The following VPS53 variants were observed in gnomAD, a reference collection of about 807,000 sequenced individuals.
VPS53 encodes VPS53 subunit of GARP complex.
A neutral mutation model predicts 107.0 loss-of-function variants in VPS53; 70 were observed. The ratio of observed to expected loss-of-function variants is 0.65; its 90% confidence interval spans 0.54 to 0.80. The LOEUF (loss-of-function observed/expected upper bound fraction) is 0.80. Ranked by LOEUF, VPS53 falls within the 30% of genes least tolerant of loss-of-function variation. VPS53 has a pLI of 0.00. For synonymous variants in VPS53, 409 were observed against 393.3 expected, an observed-to-expected ratio of 1.04 and a Z score of -0.47; for missense variants, 917 against 1,049.4, an observed-to-expected ratio of 0.87 and a Z score of 1.74.
intron 18 of VPS53, chr17:533,138 C>T: frequency 6.4e-6 from 4 of 629,722 alleles, no homozygotes; most frequent in South Asian, 4.1e-5. Context: ...ATCCTAGACT[C>T]CCAGTGAACT....
Position 540,735 on chromosome 17 carries a change from GAC to G in VPS53, c.1867-3561_1867-3560del, listed in dbSNP as rs1389546297. On this transcript the variant is annotated intron_variant, in intron 17 of 21. Coordinates refer to ENST00000437048, the MANE Select transcript of VPS53 (RefSeq NM_001128159.3). ...TCAACTGGTACTACTATCTAAATGA[GAC>G]ACAGTTTGAAGACAGTAAGAATGAT... Among the ~76,000 whole-genome samples, 9 of 152,268 alleles carry G rather than the reference GAC, an allele frequency of 5.9e-5. No individual in the cohort carries two copies. The East Asian group carries it at 1.5e-3, about 26-fold the overall frequency.
chr17:599,149 G>A (rs1306867178), intron 12 of VPS53, among the ~76,000 whole-genome samples: 5 of 145,372 alleles, frequency 3.4e-5, no homozygotes, highest in Admixed American at 2.0e-4. Flanking sequence ...CCCCCCGCCC[G>A]GCCAGCCGCC....
intron 7 of VPS53, among the ~76,000 whole-genome samples, chr17:642,146 C>T (rs1007905737): frequency 1.6e-4 from 25 of 152,174 alleles, no homozygotes; most frequent in African/African-American, 5.6e-4. Flanking sequence ...ATAAATATAC[C>T]GCCCTCCCAA....
chr17:710,528 C>T lies in VPS53; in HGVS notation c.168+5G>A. 1 of 1,611,708 alleles carries T rather than the reference C, an allele frequency of 6.2e-7. No homozygotes were observed. Among genetic ancestry groups the T allele is most frequent in the Non-Finnish European group, 8.5e-7 (1 of 1,178,206 alleles). ...GAAAGGAAGGAAACCTGAAACTCTA[C>T]TTACTTGCTCGGTTGGGAACAGGGT... is the stretch of plus-strand genomic sequence containing the variant. On this transcript the variant is annotated splice_donor_5th_base_variant and intron_variant, in intron 2 of 21. Transcript: ENST00000437048.
chr17:712,365 G>A (rs1274578771), intron 1 of VPS53, among the ~76,000 whole-genome samples: 1 of 150,730 alleles, frequency 6.6e-6, no homozygotes, highest in South Asian at 2.1e-4. Flanking sequence ...ATTTTTAGGA[G>A]AGACGGGGTT....
At chr17:591,753 A>G (rs1171116340) in intron 12 of VPS53, among the ~76,000 whole-genome samples, 1 of 152,110 alleles carries the variant, frequency 6.6e-6, no homozygotes, top group Non-Finnish European at 1.5e-5. Flanking sequence ...ATAGTTTGTT[A>G]TAATTTCTTT....
chr17:529,384 T>TCA lies in VPS53; in HGVS notation c.2085+3456_2085+3457dup, dbSNP rs1469887772. ...TAACTTTTAAAATCAGCATATCAATTCACACACACACACTCACACACACAC... is the reference window on the plus strand; with the variant it reads ...TAACTTTTAAAATCAGCATATCAATTCACACACACACACACTCACACACACAC... On this transcript the variant is annotated intron_variant, in intron 19 of 21. Transcript: ENST00000437048. Among the ~76,000 whole-genome samples the TCA allele has an allele frequency of 3.2e-4, 38 of 117,446 alleles. No individual in the cohort carries two copies. In the South Asian group the frequency reaches 3.2e-3, roughly 10 times the overall value. The allele number at this position is 117,446 out of a possible 152,430, so 77.0% of individuals were successfully genotyped here.
chr17:529,545 G>A (rs1909375314), intron 19 of VPS53, among the ~76,000 whole-genome samples: 2 of 151,960 alleles, frequency 1.3e-5, no homozygotes, highest in Admixed American at 1.3e-4. Context: ...TTTTTATTGG[G>A]CAGCCTCCTC....
In VPS53 at chr17:657,683, G is replaced by A. The variant is rs1200762600; in HGVS notation, c.373-1730C>T. On this transcript the variant is annotated intron_variant, in intron 5 of 21. Transcript: ENST00000437048. ...GCCCTGGATACCAAACACAAATACT[G>A]TAGTCACTGGATAGATACATCCCAT... 8 of 553,800 alleles carry A rather than the reference G, an allele frequency of 1.4e-5. 1 individual carries two copies. The East Asian group carries it at 2.1e-4, about 14-fold the overall frequency. The allele number at this position is 553,800 out of a possible 1,614,324, so 34.3% of individuals were successfully genotyped here. A position where few individuals can be genotyped will look rare whatever the true frequency, so the allele number is the denominator to read the frequency against.
At chr17:623,741 A>C in intron 10 of VPS53, 67 bp from the exon 11 acceptor site, 1 of 1,502,744 alleles carries the variant, frequency 6.7e-7, no homozygotes, top group East Asian at 2.3e-5. Flanking sequence ...GATAAGGTAA[A>C]TGGCCTTAGC....
chr17:714,648 G>A lies in VPS53; in HGVS notation c.62C>T (p.Pro21Leu), dbSNP rs758163666. Reference protein sequence around the residue: ...EELEAVLQLTPEVQLAIEQVF... With the variant: ...EELEAVLQLTLEVQLAIEQVF... The stretch of plus-strand genomic sequence containing the variant: ...CTGCTCGATGGCCAGCTGCACCTCG[G>A]GCGTGAGCTGCAGCACGGCTTCCAG... The change falls in exon 1 of 22, where the codon CCC (proline) becomes CTC (leucine). Residue 21 changes from proline to leucine, a missense_variant. By Grantham distance (98) the Pro-to-Leu change is moderately conservative (BLOSUM62 -3). Transcript: ENST00000437048. 8 of 1,612,600 alleles carry A rather than the reference G, an allele frequency of 5.0e-6. No homozygotes were observed. The Admixed American group carries it at 1.0e-4, about 20-fold the overall frequency.
intron 4 of VPS53, among the ~76,000 whole-genome samples, chr17:695,557 C>CT (rs908397321): frequency 5.4e-5 from 8 of 147,016 alleles, no homozygotes; most frequent in Non-Finnish European, 6.0e-5. Flanking sequence ...ATTTGGATTT[C>CT]TTTTTTTTTT....
intron 5 of VPS53, among the ~76,000 whole-genome samples, 159 bp downstream of exon 5, chr17:661,650 T>C (rs1353716321): frequency 6.6e-6 from 1 of 152,124 alleles, no homozygotes; most frequent in Non-Finnish European, 1.5e-5. Flanking sequence ...TCCCCTTGAA[T>C]TGATCTGAAC....
At chr17:643,312 C>G (rs147397691) in intron 7 of VPS53, among the ~76,000 whole-genome samples, 2 of 84,826 alleles carry the variant, frequency 2.4e-5, no homozygotes, top group South Asian at 4.8e-4. Context: ...TACTGGGAAA[C>G]CGAGGACAAC....
intron 7 of VPS53, among the ~76,000 whole-genome samples, chr17:642,815 A>C: frequency 6.7e-6 from 1 of 148,758 alleles, no homozygotes; most frequent in South Asian, 2.2e-4. Context: ...TCATACTTGG[A>C]AAGCGAGGAC....
chr17:698,462 T>G (rs1597501626), intron 3 of VPS53, among the ~76,000 whole-genome samples: 1 of 150,040 alleles, frequency 6.7e-6, no homozygotes, highest in African/African-American at 2.5e-5. Context: ...CTAGTAGATG[T>G]GGGAGACTGA....
At chr17:689,464 ATTTTTTTTTTTTTT>A (rs1184638230) in intron 4 of VPS53, among the ~76,000 whole-genome samples, 47 of 111,644 alleles carry the variant, frequency 4.2e-4, no homozygotes, top group Non-Finnish European at 7.3e-4. Context: ...TGCTGGACTA[ATTTTTTTTTTTTTT>A]TTTTTTTTTT....
chr17:651,473 CCCAG>C (rs1970946300), intron 7 of VPS53, among the ~76,000 whole-genome samples: 1 of 152,144 alleles, frequency 6.6e-6, no homozygotes, highest in Non-Finnish European at 1.5e-5. Flanking sequence ...TGCTTGTAGT[CCCAG>C]CTGCTTGGGA....
chr17:538,508 A>C (rs976061294), intron 17 of VPS53: 2 of 152,256 alleles, frequency 1.3e-5, no homozygotes, highest in African/African-American at 4.8e-5. Flanking sequence ...AAAGGAAAAA[A>C]TCAATACTGA....
Sources: allele counts gnomAD v4.1 joint callset (sites outside exome capture counted in the v4.1 genomes callset), GRCh38; gene constraint gnomAD v4.1.1; transcripts MANE v1.5; gene names NCBI Gene and HGNC (gene_info 2026-07-23, HGNC 2026-07-21).